NCAM2: variants seen among roughly 807,000 people sequenced by gnomAD.
NCAM2 encodes the protein neural cell adhesion molecule 2.
NCAM2 carries 30 observed loss-of-function variants against 98.1 expected under a neutral mutation model. The observed-to-expected ratio is 0.31, with a 90% CI of 0.23 to 0.41. NCAM2 has a LOEUF of 0.41. NCAM2 is among the 10% of genes least tolerant of loss of function. The probability of loss-of-function intolerance (pLI) is 1.00; values close to 1 mark genes in which losing one functional copy is unlikely to be tolerated. For synonymous variants in NCAM2, 368 were observed against 342.4 expected (o/e 1.07, Z -0.83); for missense variants, 867 against 1,005.8 (o/e 0.86, Z 1.87).
At chr21:21,040,466 C>T (rs966892275) in intron 1 of NCAM2, among the ~76,000 whole-genome samples, 12 of 151,800 alleles carry the variant, frequency 7.9e-5, no homozygotes, top group African/African-American at 2.4e-4. Flanking sequence ...AGTATTAAAC[C>T]AATGGAAACG....
chr21:21,373,789 A>G, intron 8 of NCAM2, 74 bp from the exon 9 acceptor site: 2 of 1,253,322 alleles, frequency 1.6e-6, no homozygotes, highest in Non-Finnish European at 2.1e-6. Context: ...GAAGTAACAT[A>G]ATGTTATATG....
chr21:21,280,443 C>T, intron 1 of NCAM2, 135 bp from the exon 2 acceptor site: 1 of 585,940 alleles, frequency 1.7e-6, no homozygotes, highest in Non-Finnish European at 2.9e-6. Flanking sequence ...ACAAAACTTT[C>T]ATTTTTCTTT....
At position 21,542,704 on chromosome 21, in the gene NCAM2, T is replaced by C. The variant is rs1990278763; in HGVS notation, c.*4747T>C. 1 of 151,792 alleles carries C rather than the reference T, an allele frequency of 6.6e-6. No individual in the cohort carries two copies. The highest frequency in any genetic ancestry group is 1.5e-5 in the Non-Finnish European group (1 of 67,830). 9.4% of individuals were successfully genotyped at this position (151,792 alleles called of 1,614,324 possible). On this transcript the variant is annotated 3_prime_UTR_variant, in exon 18 of 18. Coordinates refer to ENST00000400546, the MANE Select transcript of NCAM2 (RefSeq NM_004540.5). ...GCAAACTGAATTGCTATATTTGGAA[T>C]AGCTAAGAAGGACCTGACTTTGAGA...
In NCAM2 at chr21:21,537,802, T is replaced by A. The variant is rs9979040; in HGVS notation, c.2403-44T>A. On this transcript the variant is annotated intron_variant, in intron 17 of 17. Coordinates refer to ENST00000400546, the MANE Select transcript of NCAM2 (RefSeq NM_004540.5). Reference sequence around the variant, plus strand: ...AACTTAAAGGTTAAGGTACGTCTCCTTAAATACCTCAGAAAATGAAGCTTA... The same window carrying A: ...AACTTAAAGGTTAAGGTACGTCTCCATAAATACCTCAGAAAATGAAGCTTA... The A allele has an allele frequency of 1.1e-3, 1,153 of 1,089,236 alleles. 5 individuals carry two copies. The African/African-American group carries it at 0.017, about 16-fold the overall frequency. The allele number at this position is 1,089,236 out of a possible 1,614,324, so 67.5% of individuals were successfully genotyped here. A position where few individuals can be genotyped will look rare whatever the true frequency, so the allele number is the denominator to read the frequency against.
At chr21:21,499,244 A>G (rs1987461556) in intron 15 of NCAM2, among the ~76,000 whole-genome samples, 1 of 152,094 alleles carries the variant, frequency 6.6e-6, no homozygotes, top group African/African-American at 2.4e-5. Flanking sequence ...AAATAACATA[A>G]TGTTTTGTTT....
chr21:21,282,102 G>C lies in NCAM2; in HGVS notation c.130+1450G>C, dbSNP rs116778626. Among the ~76,000 whole-genome samples the C allele has an allele frequency of 7.7e-3, 1,171 of 151,898 alleles. 17 individuals are homozygous for C. Among genetic ancestry groups the C allele is most frequent in the African/African-American group, 0.027 (1,117 of 41,516 alleles). On this transcript the variant is annotated intron_variant, in intron 2 of 17. Transcript: ENST00000400546. ...AGATTGATTCAGCATCATATATTAT[G>C]TCAGCAGAAATTTGACACAAGCATA...
intron 4 of NCAM2, among the ~76,000 whole-genome samples, chr21:21,290,919 C>G (rs1431348842): frequency 6.6e-6 from 1 of 151,858 alleles, no homozygotes; most frequent in East Asian, 1.9e-4. Context: ...TAGGCAGGAT[C>G]CTACCATATC....
At chr21:21,230,138 A>G (rs950477270) in intron 1 of NCAM2, among the ~76,000 whole-genome samples, 2 of 151,142 alleles carry the variant, frequency 1.3e-5, no homozygotes, top group African/African-American at 4.8e-5. Context: ...ACTCTCTGTC[A>G]GTAGTCCTGA....
intron 16 of NCAM2, among the ~76,000 whole-genome samples, chr21:21,530,233 TTTAATTTAAATTAATTATATATAA>T (rs1569141875): frequency 1.1e-4 from 8 of 70,532 alleles, no homozygotes; most frequent in African/African-American, 4.5e-4. Context: ...ATTATATATA[TTTAATTTAAATTAATTATATATAA>T]TTTAATTTAA....
intron 8 of NCAM2, among the ~76,000 whole-genome samples, chr21:21,368,205 G>T (rs2075832265): frequency 6.6e-6 from 1 of 151,812 alleles, no homozygotes; most frequent in African/African-American, 2.4e-5. Flanking sequence ...TTATGTAGAG[G>T]TAACAATCTA....
intron 1 of NCAM2, among the ~76,000 whole-genome samples, chr21:21,236,496 A>T (rs967247075): frequency 2.0e-5 from 3 of 152,050 alleles, no homozygotes; most frequent in African/African-American, 7.2e-5. Context: ...TTGTGCAGTT[A>T]GTGGTCTGCA....
chr21:21,070,144 CT>C (rs2065529388), intron 1 of NCAM2, among the ~76,000 whole-genome samples: 2 of 151,826 alleles, frequency 1.3e-5, no homozygotes, highest in African/African-American at 4.8e-5. Context: ...CCAGGAGAAA[CT>C]TATAAAGATC....
intron 16 of NCAM2, among the ~76,000 whole-genome samples, chr21:21,522,137 G>GA (rs1353437810): frequency 6.8e-6 from 1 of 146,952 alleles, no homozygotes; most frequent in Non-Finnish European, 1.5e-5. Flanking sequence ...ATATAAATAT[G>GA]AATATATATG....
At chr21:21,471,774 C>T (rs1984469630) in intron 14 of NCAM2, among the ~76,000 whole-genome samples, 1 of 151,908 alleles carries the variant, frequency 6.6e-6, no homozygotes, top group African/African-American at 2.4e-5. Flanking sequence ...TGTAAAACTC[C>T]CTATAGATTA....
At chr21:21,028,900 A>G (rs943874182) in intron 1 of NCAM2, among the ~76,000 whole-genome samples, 2 of 152,228 alleles carry the variant, frequency 1.3e-5, no homozygotes, top group African/African-American at 2.4e-5. Flanking sequence ...TATGTAAGCT[A>G]TCATCATAGG....
intron 9 of NCAM2, among the ~76,000 whole-genome samples, chr21:21,394,875 G>A (rs2076468471): frequency 6.6e-6 from 1 of 152,132 alleles, no homozygotes; most frequent in South Asian, 2.1e-4. Flanking sequence ...AAATGTGGGT[G>A]TATTTCTCAT....
At chr21:21,182,035 A>C (rs903869725) in intron 1 of NCAM2, among the ~76,000 whole-genome samples, 1 of 151,798 alleles carries the variant, frequency 6.6e-6, no homozygotes, top group African/African-American at 2.4e-5. Context: ...CTCTAAAAAA[A>C]AAAAAAAAAC....
At position 21,486,183 on chromosome 21, in the gene NCAM2, A is replaced by T. The variant is rs576345799; in HGVS notation, c.2077+8712A>T. 5.6e-4 allele frequency among the ~76,000 whole-genome samples: 85 copies of T among 151,752 alleles called. 1 individual carries two copies. Among genetic ancestry groups the T allele is most frequent in the Non-Finnish European group, 1.1e-3 (77 of 67,908 alleles). On this transcript the variant is annotated intron_variant, in intron 15 of 17. Transcript: ENST00000400546. ...GCCGGGCGTGGTGGCGGGCGCCTGT[A>T]GTCCCAGCTACTCGGGAGGCTGAGG...
intron 1 of NCAM2, among the ~76,000 whole-genome samples, chr21:21,224,893 T>C (rs1249334880): frequency 6.6e-6 from 1 of 152,170 alleles, no homozygotes; most frequent in Non-Finnish European, 1.5e-5. Flanking sequence ...AGAGCTCTGC[T>C]TCATTATATA....
Sources: gnomAD v4.1 joint callset for allele counts (sites outside exome capture counted in the v4.1 genomes callset) on GRCh38, gnomAD v4.1.1 for gene constraint, MANE v1.5 for transcripts, NCBI Gene and HGNC (gene_info 2026-07-23, HGNC 2026-07-21) for gene names.